KAZN: variants seen among roughly 807,000 people sequenced by gnomAD.
The protein encoded by KAZN is kazrin.
In KAZN, 40 loss-of-function variants were observed where a neutral mutation model predicts 87.4. The observed-to-expected ratio is 0.46, with a 90% confidence interval of 0.36 to 0.60. The LOEUF is 0.60. KAZN is among the 20% of genes least tolerant of loss of function. The pLI, the probability that KAZN is intolerant of heterozygous loss-of-function variation, is 0.00. For synonymous variants in KAZN, 466 were observed against 458.3 expected (o/e 1.02, Z -0.22); for missense variants, 898 against 1,073.9 (o/e 0.84, Z 2.29).
chr1:14,800,811 A>G (rs1645986752), intron 1 of KAZN, among the ~76,000 whole-genome samples: 1 of 152,166 alleles, frequency 6.6e-6, no homozygotes, highest in Non-Finnish European at 1.5e-5. Context: ...ATTCATAGGA[A>G]ATGTCCAGAT....
chr1:14,375,040 G>C (rs1209196592), intron 2 of KAZN, among the ~76,000 whole-genome samples: 1 of 152,180 alleles, frequency 6.6e-6, no homozygotes, highest in Non-Finnish European at 1.5e-5. Flanking sequence ...CTTGGCTTGG[G>C]AATCTGTTGC....
chr1:13,923,723 CAGA>C (rs1402995292), intron 1 of KAZN, among the ~76,000 whole-genome samples: 1 of 151,394 alleles, frequency 6.6e-6, no homozygotes, highest in African/African-American at 2.4e-5. Context: ...GCGGCAGAGG[CAGA>C]AGAAGTGGTG....
chr1:15,044,132 G>A lies in KAZN; in HGVS notation c.699G>A (p.Met233Ile), dbSNP rs1219541143. The A allele has an allele frequency of 6.2e-7, 1 of 1,609,446 alleles. No individual in the cohort carries two copies. The highest frequency in any genetic ancestry group is 1.3e-5 in the African/African-American group (1 of 74,832). Residue 233 changes from methionine (M) to isoleucine (I), a missense_variant, in exon 4 of 15, where the codon ATG becomes ATA. Met to Ile is a conservative substitution (Grantham distance 10). Transcript: ENST00000376030. ...AGCTGGACCTCAAGGACAACCGGAT[G>A]AAGGAGCTGGAGGCCGAGCTGGCCA... is the stretch of plus-strand genomic sequence containing the variant. ...RSQLDLKDNR[M>I]KELEAELAMA...
chr1:14,691,209 C>G (rs773262027), intron 1 of KAZN, among the ~76,000 whole-genome samples: 17 of 152,098 alleles, frequency 1.1e-4, no homozygotes, highest in Non-Finnish European at 1.9e-4. Context: ...AAAAAAATCT[C>G]CTGACTTTGC....
At chr1:14,664,356 C>T (rs1639378408) in intron 1 of KAZN, among the ~76,000 whole-genome samples, 1 of 152,138 alleles carries the variant, frequency 6.6e-6, no homozygotes, top group African/African-American at 2.4e-5. Context: ...TTGCTTAAAC[C>T]TGGGGGGCAG....
intron 1 of KAZN, among the ~76,000 whole-genome samples, chr1:14,696,077 C>T (rs1319395806): frequency 6.6e-6 from 1 of 152,138 alleles, no homozygotes; most frequent in Admixed American, 6.5e-5. Flanking sequence ...CCATGCTGTG[C>T]TTGCTCCTGC....
intron 1 of KAZN, among the ~76,000 whole-genome samples, chr1:14,132,793 T>G (rs1319372986): frequency 6.6e-6 from 1 of 152,134 alleles, no homozygotes; most frequent in East Asian, 1.9e-4. Context: ...CCTGTCTCCC[T>G]TTGGACTTTT....
At chr1:14,883,537 G>C in intron 1 of KAZN, among the ~76,000 whole-genome samples, 1 of 147,224 alleles carries the variant, frequency 6.8e-6, no homozygotes, top group African/African-American at 2.7e-5. Context: ...CACAGCCAAA[G>C]GGAGCATTAT....
intron 2 of KAZN, among the ~76,000 whole-genome samples, chr1:15,001,871 T>C (rs1051930374): frequency 5.2e-5 from 2 of 38,528 alleles, no homozygotes; most frequent in Non-Finnish European, 4.4e-5. Flanking sequence ...AGTCAAAATC[T>C]TTTTTTTTTT....
chr1:14,976,549 G>A (rs1572963832), intron 2 of KAZN, among the ~76,000 whole-genome samples: 1 of 152,204 alleles, frequency 6.6e-6, no homozygotes, highest in Non-Finnish European at 1.5e-5. Flanking sequence ...TGGTCTTAGC[G>A]TGAACCCATG....
Position 15,034,863 on chromosome 1 carries a change from G to A in KAZN, c.533G>A (p.Arg178His), listed in dbSNP as rs377255165. ...GAGGAGCAGCTCCGAGACTTCATCC[G>A]CAACTATGAGCAGCACCGCAAGGTC... is the stretch of plus-strand genomic sequence containing the variant. Reference protein sequence around the residue: ...SREEQLRDFIRNYEQHRKESE... With the variant: ...SREEQLRDFIHNYEQHRKESE... The change falls in exon 3 of 15, where the codon CGC becomes CAC. Residue 178 changes from arginine (R) to histidine (H), a missense_variant. Physicochemically the swap from Arg to His is conservative, Grantham distance 29. Transcript: ENST00000376030. 7.9e-5 allele frequency: 128 copies of A among 1,613,832 alleles called. 1 individual carries two copies. The East Asian group carries it at 1.5e-3, about 19-fold the overall frequency.
At chr1:14,234,268 A>C (rs895251146) in intron 2 of KAZN, among the ~76,000 whole-genome samples, 3 of 147,170 alleles carry the variant, frequency 2.0e-5, no homozygotes, top group African/African-American at 7.8e-5. Flanking sequence ...CATGGATGAA[A>C]CTGGAAACCA....
intron 1 of KAZN, among the ~76,000 whole-genome samples, chr1:14,878,297 A>C (rs530846523): frequency 1.2e-4 from 18 of 151,750 alleles, no homozygotes; most frequent in African/African-American, 4.1e-4. Flanking sequence ...GTTAAACATT[A>C]ACAGTTCTTT....
intron 2 of KAZN, among the ~76,000 whole-genome samples, chr1:14,305,418 A>G (rs192435789): frequency 1.2e-4 from 19 of 152,276 alleles, no homozygotes; most frequent in Admixed American, 3.3e-4. Context: ...TTCTCACCAG[A>G]TTTGCAAAGA....
chr1:14,487,999 T>C (rs1462040392), intron 2 of KAZN, among the ~76,000 whole-genome samples: 1 of 152,214 alleles, frequency 6.6e-6, no homozygotes, highest in Admixed American at 6.5e-5. Flanking sequence ...GTCTGTAGAC[T>C]GGAGGGTTTT....
intron 1 of KAZN, among the ~76,000 whole-genome samples, chr1:14,116,090 C>CA (rs143160868): frequency 0.084 from 12,741 of 152,122 alleles, 1,035 homozygotes; most frequent in African/African-American, 0.21. Flanking sequence ...CATAAAAGTT[C>CA]AAAAATTTGC....
chr1:14,824,699 A>T (rs572686390), intron 1 of KAZN, among the ~76,000 whole-genome samples: 1 of 152,138 alleles, frequency 6.6e-6, no homozygotes, highest in African/African-American at 2.4e-5. Flanking sequence ...CATCATCGTC[A>T]TCATCATCAT....
intron 2 of KAZN, among the ~76,000 whole-genome samples, chr1:14,381,825 G>C (rs1256276346): frequency 6.6e-6 from 1 of 152,122 alleles, no homozygotes. Flanking sequence ...GTTATAGTTA[G>C]AGCAACCAGA....
At chr1:14,102,607 C>T (rs1644282022) in intron 1 of KAZN, among the ~76,000 whole-genome samples, 1 of 152,170 alleles carries the variant, frequency 6.6e-6, no homozygotes, top group African/African-American at 2.4e-5. Flanking sequence ...TCCCTTTTTG[C>T]AGCTCCATTT....
Sources: gnomAD v4.1 joint callset for allele counts (sites outside exome capture counted in the v4.1 genomes callset) on GRCh38, gnomAD v4.1.1 for gene constraint, MANE v1.5 for transcripts, NCBI Gene and HGNC (gene_info 2026-07-23, HGNC 2026-07-21) for gene names.